EYA2: variants seen among roughly 807,000 people sequenced by gnomAD.
The protein encoded by EYA2 is protein phosphatase EYA2.
EYA2 carries 31 observed loss-of-function variants against 69.2 expected under a neutral mutation model. That is an observed-to-expected ratio of 0.45 (90% CI 0.34 to 0.60). The LOEUF (loss-of-function observed/expected upper bound fraction) is 0.60, where lower values mean the gene tolerates loss of function less well. Among genes scored for constraint, EYA2 ranks in the 20% least tolerant of loss-of-function variants. The pLI is 0.02. For synonymous variants in EYA2, 257 were observed against 279.4 expected (o/e 0.92, Z 0.80); for missense variants, 622 against 701.2 (o/e 0.89, Z 1.28).
At chr20:47,120,138 G>A (rs2033007376) in intron 9 of EYA2, among the ~76,000 whole-genome samples, 1 of 152,144 alleles carries the variant, frequency 6.6e-6, no homozygotes. Context: ...AATCCAGGAG[G>A]CAGAGGTTGC....
intron 9 of EYA2, among the ~76,000 whole-genome samples, chr20:47,134,984 G>A (rs1401269790): frequency 2.0e-5 from 3 of 151,912 alleles, no homozygotes; most frequent in Admixed American, 1.3e-4. Context: ...AAAATTAGCC[G>A]GGCGTGGTGG....
At chr20:47,178,773 A>G (rs1172743610) in intron 12 of EYA2, among the ~76,000 whole-genome samples, 2 of 71,568 alleles carry the variant, frequency 2.8e-5, no homozygotes, top group Non-Finnish European at 4.9e-5. Flanking sequence ...GTGGGGGTAG[A>G]TAGGTGGATG....
At chr20:47,075,106 C>T (rs916253442) in intron 7 of EYA2, among the ~76,000 whole-genome samples, 2 of 152,204 alleles carry the variant, frequency 1.3e-5, no homozygotes, top group East Asian at 3.9e-4. Flanking sequence ...AGTGAAACTC[C>T]ATCTCAAAAA....
chr20:46,996,873 T>G (rs1600623223), intron 2 of EYA2, among the ~76,000 whole-genome samples: 1 of 147,428 alleles, frequency 6.8e-6, no homozygotes, highest in African/African-American at 2.5e-5. Context: ...GAGAGGGGGG[T>G]GGCAAGTGCG....
chr20:47,164,226 CTT>C (rs2034134633), intron 10 of EYA2, among the ~76,000 whole-genome samples: 1 of 152,180 alleles, frequency 6.6e-6, no homozygotes, highest in African/African-American at 2.4e-5. Flanking sequence ...CAAGGGGTAA[CTT>C]GATCCAGGTC....
At chr20:47,124,018 G>A (rs1054606150) in intron 9 of EYA2, among the ~76,000 whole-genome samples, 5 of 151,660 alleles carry the variant, frequency 3.3e-5, no homozygotes, top group Non-Finnish European at 2.9e-5. Context: ...GGGGCCTAAT[G>A]AACCAGTCCA....
Position 47,152,747 on chromosome 20 carries a change from G to C in EYA2, c.978+9599G>C, listed in dbSNP as rs140236256. On this transcript the variant is annotated intron_variant, in intron 10 of 15. Transcript: ENST00000327619. ...AATCACTCGAACCCAGGAGGCAATG[G>C]TCGCGGTGAGCCGAGATCGCGCCAC... 4.2e-3 allele frequency among the ~76,000 whole-genome samples: 637 copies of C among 151,344 alleles called. 4 individuals carry two copies. The highest frequency in any genetic ancestry group is 0.014 in the African/African-American group (598 of 41,252).
intron 15 of EYA2, among the ~76,000 whole-genome samples, chr20:47,185,719 G>A (rs563508071): frequency 6.6e-6 from 1 of 152,310 alleles, no homozygotes; most frequent in Admixed American, 6.5e-5. Context: ...GCAGTGAGAA[G>A]GCGTTGAAGA....
chr20:47,159,946 C>T (rs1600755321), intron 10 of EYA2, among the ~76,000 whole-genome samples: 1 of 151,360 alleles, frequency 6.6e-6, no homozygotes, highest in Non-Finnish European at 1.5e-5. Context: ...TGCAGGAAGC[C>T]ACTGTGTGGG....
chr20:47,000,475 GCCCTACAGAA>G (rs550639250), intron 2 of EYA2, among the ~76,000 whole-genome samples: 135 of 152,308 alleles, frequency 8.9e-4, no homozygotes, highest in Non-Finnish European at 1.6e-3. Flanking sequence ...CGCAGCCACT[GCCCTACAGAA>G]CAGGGAGTGG....
intron 1 of EYA2, among the ~76,000 whole-genome samples, chr20:46,968,032 G>A (rs1229362043): frequency 6.6e-6 from 1 of 152,222 alleles, no homozygotes; most frequent in Admixed American, 6.5e-5. Flanking sequence ...GCTGCTGGAG[G>A]ATGCTGATGG....
intron 4 of EYA2, among the ~76,000 whole-genome samples, chr20:47,013,887 C>T (rs1032279319): frequency 2.6e-5 from 4 of 152,172 alleles, no homozygotes; most frequent in African/African-American, 9.7e-5. Context: ...TAAAGTCTGG[C>T]ACCATCGATG....
intron 8 of EYA2, among the ~76,000 whole-genome samples, chr20:47,093,830 C>T (rs907976287): frequency 1.1e-4 from 17 of 152,322 alleles, no homozygotes; most frequent in African/African-American, 3.4e-4. Context: ...TGCACCTGCA[C>T]GCCAAACTCG....
At chr20:47,016,366 C>A in intron 5 of EYA2, 69 bp downstream of exon 5, 1 of 1,197,508 alleles carries the variant, frequency 8.4e-7, no homozygotes, top group Non-Finnish European at 1.2e-6. Context: ...TCCATTCATT[C>A]ATTCATTCAG....
chr20:46,920,928 A>G (rs942215646), intron 1 of EYA2, among the ~76,000 whole-genome samples: 10 of 152,194 alleles, frequency 6.6e-5, no homozygotes, highest in Admixed American at 2.0e-4. Context: ...GTTTCAGCAC[A>G]ATGCAGCTTT....
At chr20:47,035,890 G>A (rs889884087) in intron 5 of EYA2, among the ~76,000 whole-genome samples, 2 of 151,956 alleles carry the variant, frequency 1.3e-5, no homozygotes, top group African/African-American at 4.8e-5. Context: ...GTGCACCTGT[G>A]GTCTTAGCTA....
intron 5 of EYA2, among the ~76,000 whole-genome samples, chr20:47,060,229 A>G (rs928956505): frequency 6.6e-6 from 1 of 152,242 alleles, no homozygotes; most frequent in Non-Finnish European, 1.5e-5. Flanking sequence ...TGTGTATTTA[A>G]CAAGAACTCT....
intron 9 of EYA2, among the ~76,000 whole-genome samples, chr20:47,138,392 G>A (rs1209312471): frequency 6.6e-6 from 1 of 152,128 alleles, no homozygotes; most frequent in African/African-American, 2.4e-5. Flanking sequence ...AAACATTTGG[G>A]TGTCTTCAAT....
chr20:46,901,122 T>C (rs527667105), intron 1 of EYA2: 1 of 152,238 alleles, frequency 6.6e-6, no homozygotes, highest in African/African-American at 2.4e-5. Flanking sequence ...GTCCTTGTGG[T>C]AAAGGGAGAT....
Sources: gnomAD v4.1 joint callset for allele counts (sites outside exome capture counted in the v4.1 genomes callset) on GRCh38, gnomAD v4.1.1 for gene constraint, MANE v1.5 for transcripts, NCBI Gene and HGNC (gene_info 2026-07-23, HGNC 2026-07-21) for gene names.